FRMD4B: variants seen among roughly 807,000 people sequenced by gnomAD.
The protein encoded by FRMD4B is FERM domain containing 4B.
In FRMD4B, 74 loss-of-function variants were observed where a neutral mutation model predicts 141.5. That is an observed-to-expected ratio of 0.52 (90% CI 0.43 to 0.63). The LOEUF (loss-of-function observed/expected upper bound fraction) is 0.63. Ranked by LOEUF, FRMD4B falls within the 30% of genes least tolerant of loss-of-function variation. The probability of loss-of-function intolerance (pLI) is 0.00; values close to 1 mark genes in which losing one functional copy is unlikely to be tolerated. For missense variants in FRMD4B, 1,366 were observed against 1,253.4 expected (o/e 1.09, Z -1.36); for synonymous variants, 506 against 467.9 (o/e 1.08, Z -1.05).
chr3:69,357,460 T>G (rs79510249), intron 1 of FRMD4B, among the ~76,000 whole-genome samples: 3 of 152,318 alleles, frequency 2.0e-5, no homozygotes, highest in African/African-American at 7.2e-5. Flanking sequence ...AAACTGTGCC[T>G]ATAAAATACA....
At chr3:69,201,039 T>C in intron 11 of FRMD4B, 3 of 277,618 alleles carry the variant, frequency 1.1e-5, no homozygotes, top group South Asian at 6.8e-5. Context: ...GCAAAAACTC[T>C]ACTTAAAAGG....
intron 1 of FRMD4B, among the ~76,000 whole-genome samples, chr3:69,456,298 T>G (rs562571035): frequency 6.6e-6 from 1 of 152,282 alleles, no homozygotes; most frequent in Admixed American, 6.5e-5. Flanking sequence ...TGATGTAAGT[T>G]TTCGAGAAAG....
At chr3:69,475,522 C>A (rs927365567) in intron 1 of FRMD4B, among the ~76,000 whole-genome samples, 1 of 152,138 alleles carries the variant, frequency 6.6e-6, no homozygotes, top group Non-Finnish European at 1.5e-5. Context: ...CATGTCCCTA[C>A]AAACGACATG....
At chr3:69,202,523 A>T (rs1299637678) in intron 11 of FRMD4B, among the ~76,000 whole-genome samples, 2 of 151,920 alleles carry the variant, frequency 1.3e-5, no homozygotes, top group Non-Finnish European at 2.9e-5. Context: ...CTTGCAATAC[A>T]ATTAAGAGTA....
rs575447262 is a variant in FRMD4B, at chr3:69,527,947, T to G, written c.-129+14259A>C. ...TTTAAGAATCCATGGGGATCTCCTA[T>G]TAAAGGAATCACAAATGCAGACACT... On this transcript the variant is annotated intron_variant, in intron 1 of 5. Coordinates refer to the FRMD4B transcript ENST00000459638. 3.2e-4 allele frequency among the ~76,000 whole-genome samples: 49 copies of G among 152,322 alleles called. 2 individuals carry two copies. Among genetic ancestry groups the G allele is most frequent in the Admixed American group, 1.2e-3 (18 of 15,292 alleles).
intron 1 of FRMD4B, among the ~76,000 whole-genome samples, chr3:69,464,119 C>G (rs988735403): frequency 1.3e-5 from 2 of 152,174 alleles, no homozygotes; most frequent in African/African-American, 2.4e-5. Context: ...CTGCTGCTCT[C>G]AATTCTGAGG....
At position 69,193,738 on chromosome 3, in the gene FRMD4B, T is replaced by A. The variant is rs896743055; in HGVS notation, c.1624A>T (p.Met542Leu). The change falls in exon 17 of 23, where the codon ATG (methionine) becomes TTG (leucine). Residue 542 changes from methionine (M) to leucine (L), a missense_variant. Physicochemically the swap from Met to Leu is conservative, Grantham distance 15. Transcript: ENST00000398540. ...KKRKQDYTDAMKKLQEIENAI... is the reference protein window; with the variant it reads ...KKRKQDYTDALKKLQEIENAI... ...TTTTCAATCTCCTGAAGCTTTTTCA[T>A]CGCATCTGTGTAATCTTGCTTTCGC... 6.2e-7 allele frequency: 1 copy of A among 1,613,822 alleles called. No individual in the cohort carries two copies.
chr3:69,302,271 AAAG>A (rs1326656800), intron 4 of FRMD4B, 69 bp downstream of exon 4: 32 of 772,760 alleles, frequency 4.1e-5, no homozygotes, highest in Admixed American at 2.9e-4. Flanking sequence ...AAAAAATAGC[AAAG>A]AAAACACACA....
At chr3:69,418,743 A>C (rs746696450) in intron 2 of FRMD4B, among the ~76,000 whole-genome samples, 10 of 152,130 alleles carry the variant, frequency 6.6e-5, no homozygotes, top group Non-Finnish European at 1.2e-4. Flanking sequence ...GCTCTGGCCA[A>C]CATCTTAATT....
chr3:69,384,658 G>A (rs763325443), intron 1 of FRMD4B, among the ~76,000 whole-genome samples: 1 of 152,190 alleles, frequency 6.6e-6, no homozygotes, highest in African/African-American at 2.4e-5. Flanking sequence ...AGATATCACA[G>A]ATATGTTATA....
intron 1 of FRMD4B, among the ~76,000 whole-genome samples, chr3:69,490,998 A>T (rs975876692): frequency 1.7e-4 from 26 of 152,168 alleles, no homozygotes; most frequent in African/African-American, 6.3e-4. Context: ...TCCCCGAGAG[A>T]CTGATTCCAG....
At chr3:69,533,380 A>AT (rs77633806) in intron 1 of FRMD4B, among the ~76,000 whole-genome samples, 18,762 of 152,186 alleles carry the variant, frequency 0.12, 1,636 homozygotes, top group East Asian at 0.3. Context: ...TAGCTGTGTG[A>AT]TTTTGGACAA....
chr3:69,370,607 A>G (rs1460775622), intron 1 of FRMD4B, among the ~76,000 whole-genome samples: 2 of 152,260 alleles, frequency 1.3e-5, no homozygotes, highest in Non-Finnish European at 1.5e-5. Context: ...GAATAAACCC[A>G]CACATACAAA....
chr3:69,193,633 T>G lies in FRMD4B; in HGVS notation c.1714+15A>C. 1 of 1,529,936 alleles carries G rather than the reference T, an allele frequency of 6.5e-7. No individual in the cohort carries two copies. The highest frequency in any genetic ancestry group is 9.0e-7 in the Non-Finnish European group (1 of 1,112,342). The allele number at this position is 1,529,936 out of a possible 1,614,324, so 94.8% of individuals were successfully genotyped here. The stretch of plus-strand genomic sequence containing the variant: ...AGTAGGGGACTCAAAAAAAAAAACC[T>G]TACTTATTACTAACCTGGTAACACT... On this transcript the variant is annotated intron_variant, in intron 17 of 22. Coordinates refer to ENST00000398540, the MANE Select transcript of FRMD4B (RefSeq NM_015123.3).
chr3:69,377,232 G>T (rs1428132878), intron 1 of FRMD4B: 1 of 152,130 alleles, frequency 6.6e-6, no homozygotes, highest in Non-Finnish European at 1.5e-5. Flanking sequence ...TTTTCTCAGT[G>T]ATAAATGGAC....
chr3:69,491,454 T>C (rs1239190781), intron 1 of FRMD4B, among the ~76,000 whole-genome samples: 2 of 152,184 alleles, frequency 1.3e-5, no homozygotes, highest in African/African-American at 4.8e-5. Flanking sequence ...CTAATCTTCT[T>C]CTGGATAAAA....
chr3:69,239,617 T>G (rs546348667), intron 7 of FRMD4B, among the ~76,000 whole-genome samples: 1 of 152,246 alleles, frequency 6.6e-6, no homozygotes, highest in African/African-American at 2.4e-5. Flanking sequence ...AAAATAAAAA[T>G]ATTTTATTTC....
intron 1 of FRMD4B, among the ~76,000 whole-genome samples, chr3:69,353,259 C>T (rs568881368): frequency 6.6e-6 from 1 of 152,220 alleles, no homozygotes; most frequent in African/African-American, 2.4e-5. Context: ...ACAGGAAAAC[C>T]CTCCAGACGA....
rs911737981 is a variant in FRMD4B, at chr3:69,287,741, G to A, written c.501+11C>T. 1.1e-5 allele frequency: 17 copies of A among 1,500,690 alleles called. No homozygotes were observed. The highest frequency in any genetic ancestry group is 4.1e-5 in the African/African-American group (3 of 72,626). The allele number at this position is 1,500,690 out of a possible 1,614,324, so 93.0% of individuals were successfully genotyped here. The stretch of plus-strand genomic sequence containing the variant: ...GAGGCATCCAGTGAACATGACAAAC[G>A]GGGCACCTACCTTGTGCACACAGGC... On this transcript the variant is annotated intron_variant, in intron 5 of 22. Coordinates refer to ENST00000398540, the MANE Select transcript of FRMD4B (RefSeq NM_015123.3).
Sources: allele counts gnomAD v4.1 joint callset (sites outside exome capture counted in the v4.1 genomes callset), GRCh38; gene constraint gnomAD v4.1.1; transcripts MANE v1.5; gene names NCBI Gene and HGNC (gene_info 2026-07-23, HGNC 2026-07-21).